The following SCFD1 variants were observed in gnomAD, a reference collection of about 807,000 sequenced individuals.
SCFD1 encodes sec1 family domain containing 1.
Under a neutral mutation model 103.2 loss-of-function variants are expected in SCFD1, and 37 were observed. The observed-to-expected ratio is 0.36, with a 90% confidence interval of 0.28 to 0.47. The LOEUF (loss-of-function observed/expected upper bound fraction) is 0.47. Ranked by LOEUF, SCFD1 falls within the 20% of genes least tolerant of loss-of-function variation. The pLI, the probability that SCFD1 is intolerant of heterozygous loss-of-function variation, is 1.00. For missense variants in SCFD1, 639 were observed against 761.2 expected (o/e 0.84, Z 1.89); for synonymous variants, 264 against 245.0 (o/e 1.08, Z -0.73).
intron 19 of SCFD1, among the ~76,000 whole-genome samples, chr14:30,710,755 G>T (rs1404900214): frequency 1.3e-5 from 2 of 152,132 alleles, no homozygotes; most frequent in African/African-American, 2.4e-5. Context: ...AGGTACTATG[G>T]TGGGAGGTCT....
intron 9 of SCFD1, 115 bp from the exon 10 acceptor site, chr14:30,653,374 A>T: frequency 1.5e-6 from 1 of 672,838 alleles, no homozygotes; most frequent in Admixed American, 2.7e-5. Flanking sequence ...GGAATTGTCA[A>T]TATTAGCATA....
intron 20 of SCFD1, among the ~76,000 whole-genome samples, chr14:30,716,477 A>G (rs1479523357): frequency 6.6e-6 from 1 of 152,194 alleles, no homozygotes; most frequent in Non-Finnish European, 1.5e-5. Flanking sequence ...TACCGTTAGC[A>G]TTGACTTAAA....
rs375791732 is a variant in SCFD1 at position 30,650,901 on chromosome 14, A to G, written c.755+251A>G. ...AATTTTTCTGTGTATAAGGCTTTGA[A>G]GGTCAGAAGCCATTTTCTTTCAATT... On this transcript the variant is annotated intron_variant, in intron 9 of 24. Coordinates refer to ENST00000458591, the MANE Select transcript of SCFD1 (RefSeq NM_016106.4). 2.4e-4 allele frequency among the ~76,000 whole-genome samples: 36 copies of G among 152,220 alleles called. No individual in the cohort carries two copies. The South Asian group carries it at 7.5e-3, about 32-fold the overall frequency.
intron 23 of SCFD1, among the ~76,000 whole-genome samples, chr14:30,730,774 C>T (rs1042613719): frequency 6.6e-6 from 1 of 152,118 alleles, no homozygotes; most frequent in Non-Finnish European, 1.5e-5. Context: ...GAGTAGATTG[C>T]AAAAATTTTC....
chr14:30,692,665 G>C (rs375875589), intron 14 of SCFD1, among the ~76,000 whole-genome samples: 1 of 152,152 alleles, frequency 6.6e-6, no homozygotes, highest in African/African-American at 2.4e-5. Flanking sequence ...TGTGACTAGC[G>C]GAAACTGAAT....
chr14:30,666,668 G>C (rs376788302), intron 10 of SCFD1, among the ~76,000 whole-genome samples: 1 of 152,026 alleles, frequency 6.6e-6, no homozygotes, highest in South Asian at 2.1e-4. Flanking sequence ...GACTAATAAA[G>C]AAGAAAAGAG....
chr14:30,719,024 T>A (rs1892471289), intron 20 of SCFD1, among the ~76,000 whole-genome samples: 2 of 152,184 alleles, frequency 1.3e-5, no homozygotes, highest in South Asian at 4.1e-4. Context: ...AATCCTGTAG[T>A]TCCCATACTT....
intron 8 of SCFD1, among the ~76,000 whole-genome samples, chr14:30,650,278 G>C (rs1041498282): frequency 6.6e-6 from 1 of 150,820 alleles, no homozygotes; most frequent in Non-Finnish European, 1.5e-5. Flanking sequence ...AAGAGTGTGC[G>C]TCATTACTGC....
chr14:30,658,080 C>G (rs936848105), intron 10 of SCFD1: 1 of 454,872 alleles, frequency 2.2e-6, no homozygotes, highest in African/African-American at 2.0e-5. Flanking sequence ...ATCTTGGTTG[C>G]AGGAGAGGTG....
At chr14:30,679,509 T>C (rs12586678) in intron 14 of SCFD1, among the ~76,000 whole-genome samples, 40,583 of 151,910 alleles carry the variant, frequency 0.27, 5,892 homozygotes, top group East Asian at 0.62. Context: ...CTGGAAATCA[T>C]AGGTGATTTC....
intron 14 of SCFD1, among the ~76,000 whole-genome samples, chr14:30,693,627 T>TA (rs1286327231): frequency 2.0e-5 from 3 of 152,218 alleles, no homozygotes; most frequent in African/African-American, 7.2e-5. Flanking sequence ...CAACTCAAAA[T>TA]ATATCACTTC....
intron 9 of SCFD1, chr14:30,652,413 T>C (rs571149400): frequency 6.6e-6 from 1 of 152,224 alleles, no homozygotes; most frequent in South Asian, 2.1e-4. Context: ...ATAATATAAT[T>C]AGGTACCATT....
At chr14:30,636,383 T>C (rs1474517415) in intron 4 of SCFD1, among the ~76,000 whole-genome samples, 4 of 152,088 alleles carry the variant, frequency 2.6e-5, no homozygotes, top group Non-Finnish European at 4.4e-5. Context: ...AGGTCTTGAT[T>C]CCCCTTTGCA....
intron 23 of SCFD1, among the ~76,000 whole-genome samples, chr14:30,725,142 C>A (rs547992128): frequency 6.6e-6 from 1 of 152,130 alleles, no homozygotes; most frequent in East Asian, 1.9e-4. Flanking sequence ...TGTTCTTTTT[C>A]CTTACGATTG....
At chr14:30,634,922 G>A (rs912419971) in intron 4 of SCFD1, 41 of 455,850 alleles carry the variant, frequency 9.0e-5, no homozygotes, top group Non-Finnish European at 1.7e-4. Context: ...TTCTCACTAG[G>A]TAGAATCAGT....
chr14:30,674,907 A>G (rs1451985023), intron 13 of SCFD1, 77 bp from the exon 14 acceptor site: 6 of 754,068 alleles, frequency 8.0e-6, no homozygotes, highest in Non-Finnish European at 1.3e-5. Context: ...TCCACAGGGG[A>G]AACACCAGGC....
At chr14:30,626,837 T>C (rs117377006) in intron 1 of SCFD1, among the ~76,000 whole-genome samples, 237 of 152,312 alleles carry the variant, frequency 1.6e-3, no homozygotes, top group Non-Finnish European at 2.9e-3. Flanking sequence ...AATGTATCAC[T>C]GAAGTACAAT....
chr14:30,726,673 T>G (rs190240966), intron 23 of SCFD1, among the ~76,000 whole-genome samples: 1 of 152,332 alleles, frequency 6.6e-6, no homozygotes, highest in East Asian at 1.9e-4. Context: ...GCGTACTTAA[T>G]CCTTCTTGAG....
chr14:30,647,688 C>T (rs1023356561), intron 7 of SCFD1, among the ~76,000 whole-genome samples: 6 of 152,044 alleles, frequency 3.9e-5, no homozygotes, highest in Admixed American at 6.6e-5. Context: ...TCACCCCACA[C>T]GGTCTGTAAA....
Sources: allele counts gnomAD v4.1 joint callset (sites outside exome capture counted in the v4.1 genomes callset), GRCh38; gene constraint gnomAD v4.1.1; transcripts MANE v1.5; gene names NCBI Gene and HGNC (gene_info 2026-07-23, HGNC 2026-07-21).